The following LHFPL3 variants were observed in gnomAD, a reference collection of about 807,000 sequenced individuals.
LHFPL3 encodes the protein LHFPL tetraspan subfamily member 3 protein.
In LHFPL3, 5 loss-of-function variants were observed where a neutral mutation model predicts 19.3. The observed-to-expected ratio is 0.26, with a 90% confidence interval of 0.14 to 0.54. LHFPL3 has a LOEUF of 0.54. Ranked by LOEUF, LHFPL3 falls within the 20% of genes least tolerant of loss-of-function variation. LHFPL3 has a pLI of 0.94. For missense variants in LHFPL3, 249 were observed against 307.4 expected, an observed-to-expected ratio of 0.81 and a Z score of 1.42; for synonymous variants, 133 against 126.2, an observed-to-expected ratio of 1.05 and a Z score of -0.36.
At chr7:104,835,196 A>C (rs2116572301) in intron 2 of LHFPL3, among the ~76,000 whole-genome samples, 1 of 152,066 alleles carries the variant, frequency 6.6e-6, no homozygotes, top group South Asian at 2.1e-4. Flanking sequence ...AATACTGACT[A>C]CCTGATTGGT....
chr7:104,479,309 A>T (rs927964595), intron 1 of LHFPL3, among the ~76,000 whole-genome samples: 1 of 152,092 alleles, frequency 6.6e-6, no homozygotes, highest in Admixed American at 6.5e-5. Flanking sequence ...GAGGGACGCC[A>T]TGGGAGCTGT....
intron 2 of LHFPL3, among the ~76,000 whole-genome samples, chr7:104,813,399 A>G (rs1407432410): frequency 6.6e-6 from 1 of 152,256 alleles, no homozygotes; most frequent in African/African-American, 2.4e-5. Context: ...AGTGATGGTC[A>G]TAAAAGTGTT....
At chr7:104,676,854 T>C (rs1268350991) in intron 1 of LHFPL3, among the ~76,000 whole-genome samples, 3 of 152,232 alleles carry the variant, frequency 2.0e-5, no homozygotes, top group African/African-American at 7.2e-5. Context: ...GACTCAGCAG[T>C]CAAATTCTGC....
At chr7:104,761,360 G>A (rs1794368678) in intron 2 of LHFPL3, among the ~76,000 whole-genome samples, 1 of 152,072 alleles carries the variant, frequency 6.6e-6, no homozygotes, top group Non-Finnish European at 1.5e-5. Context: ...AAGGTAGGGT[G>A]TGGGTGTATT....
intron 1 of LHFPL3, among the ~76,000 whole-genome samples, chr7:104,480,085 C>T (rs1388943317): frequency 3.9e-5 from 6 of 152,100 alleles, no homozygotes; most frequent in South Asian, 2.1e-4. Context: ...CATGGATACA[C>T]GTATGAGAAG....
intron 2 of LHFPL3, among the ~76,000 whole-genome samples, chr7:104,803,270 C>T (rs1790290283): frequency 6.6e-6 from 1 of 152,138 alleles, no homozygotes; most frequent in Non-Finnish European, 1.5e-5. Context: ...ATATACATGC[C>T]TATGGCAACC....
intron 1 of LHFPL3, among the ~76,000 whole-genome samples, chr7:104,431,694 A>G (rs1584316148): frequency 6.6e-6 from 1 of 152,362 alleles, no homozygotes; most frequent in Non-Finnish European, 1.5e-5. Context: ...TTTGTTGGAT[A>G]TAAATATGGA....
chr7:104,528,467 T>C (rs1463705401), intron 1 of LHFPL3, among the ~76,000 whole-genome samples: 1 of 152,016 alleles, frequency 6.6e-6, no homozygotes, highest in Non-Finnish European at 1.5e-5. Context: ...GATAAGCAAT[T>C]AAAAAACACC....
chr7:104,627,923 C>G (rs1791576300), intron 1 of LHFPL3, among the ~76,000 whole-genome samples: 1 of 152,322 alleles, frequency 6.6e-6, no homozygotes, highest in Non-Finnish European at 1.5e-5. Flanking sequence ...ATCTAACATT[C>G]TCACCCTGCA....
intron 1 of LHFPL3, among the ~76,000 whole-genome samples, chr7:104,610,430 TA>T (rs1324968605): frequency 6.6e-6 from 1 of 152,040 alleles, no homozygotes; most frequent in African/African-American, 2.4e-5. Context: ...GTACTTACTC[TA>T]AAAAATTGGC....
intron 1 of LHFPL3, among the ~76,000 whole-genome samples, chr7:104,437,712 C>T (rs912680863): frequency 5.9e-5 from 9 of 152,080 alleles, no homozygotes; most frequent in African/African-American, 1.4e-4. Flanking sequence ...AACTCAGAAA[C>T]GTATAGGGCT....
chr7:104,849,159 G>A, intron 2 of LHFPL3, among the ~76,000 whole-genome samples: 1 of 152,116 alleles, frequency 6.6e-6, no homozygotes, highest in Non-Finnish European at 1.5e-5. Flanking sequence ...TTGAACTCCT[G>A]GGCTCAAGCC....
At chr7:104,430,451 TATA>T (rs1469597732) in intron 1 of LHFPL3, among the ~76,000 whole-genome samples, 3 of 23,246 alleles carry the variant, frequency 1.3e-4, no homozygotes, top group Non-Finnish European at 2.1e-4. Context: ...TATATATATA[TATA>T]TTTTTTTTTT....
At chr7:104,827,882 C>T (rs1790856479) in intron 2 of LHFPL3, among the ~76,000 whole-genome samples, 1 of 151,902 alleles carries the variant, frequency 6.6e-6, no homozygotes, top group Non-Finnish European at 1.5e-5. Context: ...CTCTGGGGAC[C>T]TCACAAAGGA....
intron 2 of LHFPL3, among the ~76,000 whole-genome samples, chr7:104,846,933 T>G (rs1254072523): frequency 6.6e-6 from 1 of 152,252 alleles, no homozygotes; most frequent in Non-Finnish European, 1.5e-5. Context: ...CTCAGCAATA[T>G]TCATTTTCCA....
At chr7:104,348,258 G>T (rs538171443) in intron 1 of LHFPL3, among the ~76,000 whole-genome samples, 1 of 152,188 alleles carries the variant, frequency 6.6e-6, no homozygotes, top group East Asian at 2.0e-4. Context: ...GGTGGTGCGT[G>T]CCTGTAATTC....
intron 2 of LHFPL3, among the ~76,000 whole-genome samples, chr7:104,761,126 G>A (rs1358778745): frequency 1.3e-5 from 2 of 152,096 alleles, no homozygotes; most frequent in African/African-American, 2.4e-5. Context: ...AAGAGAGGCA[G>A]GCTGCGTTTT....
intron 1 of LHFPL3, among the ~76,000 whole-genome samples, chr7:104,407,971 C>T (rs541751414): frequency 2.4e-4 from 37 of 152,164 alleles, no homozygotes; most frequent in Non-Finnish European, 1.0e-4. Flanking sequence ...CATCTAATTT[C>T]ACCCTCTTTG....
At chr7:104,699,013 G>T (rs986574436) in intron 1 of LHFPL3, among the ~76,000 whole-genome samples, 4 of 152,076 alleles carry the variant, frequency 2.6e-5, no homozygotes, top group African/African-American at 4.8e-5. Flanking sequence ...CAGTATAATT[G>T]GTATTATTTT....
Sources: gnomAD v4.1 joint callset for allele counts (sites outside exome capture counted in the v4.1 genomes callset) on GRCh38, gnomAD v4.1.1 for gene constraint, MANE v1.5 for transcripts, NCBI Gene and HGNC (gene_info 2026-07-23, HGNC 2026-07-21) for gene names.